The following CRPPA variants were observed in gnomAD, a reference collection of about 807,000 sequenced individuals.
CRPPA encodes CDP-L-ribitol pyrophosphorylase A.
Under a neutral mutation model 52.0 loss-of-function variants are expected in CRPPA, and 43 were observed. The observed-to-expected ratio is 0.83, with a 90% CI of 0.65 to 1.07. The LOEUF (loss-of-function observed/expected upper bound fraction) is 1.07. Ranked by LOEUF, CRPPA falls within the 50% of genes least tolerant of loss-of-function variation. CRPPA has a pLI of 0.00. For missense variants in CRPPA, 629 were observed against 551.7 expected (o/e 1.14, Z -1.40); for synonymous variants, 250 against 203.5 (o/e 1.23, Z -1.94).
At chr7:16,296,444 A>G (rs916080430) in intron 5 of CRPPA, among the ~76,000 whole-genome samples, 5 of 152,176 alleles carry the variant, frequency 3.3e-5, no homozygotes, top group African/African-American at 9.7e-5. Context: ...TGTTCTTGCA[A>G]AACATGAGAC....
intron 4 of CRPPA, among the ~76,000 whole-genome samples, chr7:16,304,560 G>A (rs975073981): frequency 6.6e-5 from 10 of 152,102 alleles, no homozygotes; most frequent in African/African-American, 1.9e-4. Context: ...AGAATCACTT[G>A]AACCCAGGAG....
chr7:16,289,693 G>C (rs1784520851), intron 5 of CRPPA, among the ~76,000 whole-genome samples: 1 of 151,982 alleles, frequency 6.6e-6, no homozygotes, highest in Admixed American at 6.6e-5. Flanking sequence ...CACAATAAAA[G>C]CTATATGTGA....
intron 5 of CRPPA, among the ~76,000 whole-genome samples, chr7:16,288,845 CAAA>C (rs71007760): frequency 2.9e-4 from 10 of 34,830 alleles, no homozygotes; most frequent in African/African-American, 1.0e-3. Context: ...GACTCTGCCT[CAAA>C]AAAAAAAAAA....
chr7:16,233,434 G>A (rs1782861208), intron 8 of CRPPA, among the ~76,000 whole-genome samples: 1 of 152,048 alleles, frequency 6.6e-6, no homozygotes, highest in African/African-American at 2.4e-5. Flanking sequence ...ATCTAACCCA[G>A]AACTGATAGG....
intron 9 of CRPPA, among the ~76,000 whole-genome samples, chr7:16,170,729 G>T (rs1169656731): frequency 6.6e-6 from 1 of 152,196 alleles, no homozygotes; most frequent in East Asian, 1.9e-4. Flanking sequence ...TGCCCTGCAG[G>T]GAGGCAGCTG....
intron 9 of CRPPA, among the ~76,000 whole-genome samples, chr7:16,141,446 T>C (rs1209805729): frequency 1.3e-5 from 2 of 152,192 alleles, no homozygotes; most frequent in African/African-American, 4.8e-5. Flanking sequence ...AGATAACAGC[T>C]GTTCAGAAAT....
chr7:16,303,972 G>GT (rs1282040021), intron 4 of CRPPA, among the ~76,000 whole-genome samples: 1 of 152,124 alleles, frequency 6.6e-6, no homozygotes, highest in Non-Finnish European at 1.5e-5. Context: ...AATTTCTTCA[G>GT]TAACTGGTTA....
chr7:16,386,282 T>C (rs1787269419), intron 2 of CRPPA, among the ~76,000 whole-genome samples: 1 of 152,214 alleles, frequency 6.6e-6, no homozygotes, highest in Non-Finnish European at 1.5e-5. Flanking sequence ...TTCTCTGCCG[T>C]GCTGTTCTGC....
rs563913611 is a variant in CRPPA at position 16,374,208 on chromosome 7, C to T, written c.684+1884G>A. Among the ~76,000 whole-genome samples, 6 of 152,206 alleles carry T rather than the reference C, an allele frequency of 3.9e-5. No individual in the cohort carries two copies. In the South Asian group the frequency reaches 6.2e-4, roughly 16 times the overall value. On this transcript the variant is annotated intron_variant, in intron 3 of 9. Transcript: ENST00000407010. ...CAATTGGTTGCCAGCACAGCTAGAA[C>T]GAAGCAGGCAGAAGAAGGTGGGATA... is the stretch of plus-strand genomic sequence containing the variant.
At chr7:16,392,058 T>G (rs998829231) in intron 2 of CRPPA, among the ~76,000 whole-genome samples, 14 of 152,174 alleles carry the variant, frequency 9.2e-5, no homozygotes, top group Non-Finnish European at 2.1e-4. Flanking sequence ...TCATGCCACT[T>G]AATAGCTGTG....
intron 3 of CRPPA, among the ~76,000 whole-genome samples, chr7:16,314,736 T>A (rs1354453341): frequency 6.6e-6 from 1 of 152,150 alleles, no homozygotes; most frequent in Non-Finnish European, 1.5e-5. Flanking sequence ...TTTTATTTTC[T>A]TCCTGCCTGC....
Position 16,242,218 on chromosome 7 carries a change from T to C in CRPPA, c.1119+16172A>G, listed in dbSNP as rs1783136142. 3.3e-5 allele frequency among the ~76,000 whole-genome samples: 5 copies of C among 152,054 alleles called. No homozygotes were observed. In the South Asian group the frequency reaches 1.0e-3, roughly 31 times the overall value. ...ATCTGCCCACCTCTGCCTCCCAAAG[T>C]GTTGGGATTACAGGCTTGAGACACC... On this transcript the variant is annotated intron_variant, in intron 8 of 9. Coordinates refer to ENST00000407010, the MANE Select transcript of CRPPA (RefSeq NM_001101426.4).
In CRPPA at chr7:16,203,580, C is replaced by T. The variant is rs7801833; in HGVS notation, c.1251+12486G>A. ...GCTTGATATTACTTAGAAAACCTCC[C>T]GAGAATAAAGAACCAAATTATTGGG... is the stretch of plus-strand genomic sequence containing the variant. On this transcript the variant is annotated intron_variant, in intron 9 of 9. Transcript: ENST00000407010. 6.6e-3 allele frequency among the ~76,000 whole-genome samples: 1,002 copies of T among 151,998 alleles called. 12 individuals are homozygous for T. Among genetic ancestry groups the T allele is most frequent in the African/African-American group, 0.023 (948 of 41,472 alleles).
intron 3 of CRPPA, among the ~76,000 whole-genome samples, chr7:16,328,986 C>G (rs1396207211): frequency 6.6e-6 from 1 of 152,084 alleles, no homozygotes; most frequent in Non-Finnish European, 1.5e-5. Context: ...GTACATAACA[C>G]CTGGACTTAA....
chr7:16,091,921 T>C, intron 9 of CRPPA, 122 bp from the exon 10 acceptor site: 1 of 528,994 alleles, frequency 1.9e-6, no homozygotes, highest in Non-Finnish European at 3.2e-6. Context: ...AAACTCAGAC[T>C]CTAGCCACTG....
intron 8 of CRPPA, among the ~76,000 whole-genome samples, chr7:16,252,771 C>T (rs1358033550): frequency 1.3e-5 from 2 of 152,100 alleles, no homozygotes; most frequent in East Asian, 3.9e-4. Flanking sequence ...TAATTATTGC[C>T]TCAATTTCAG....
intron 3 of CRPPA, among the ~76,000 whole-genome samples, chr7:16,319,101 A>G (rs987261712): frequency 2.0e-5 from 3 of 152,184 alleles, no homozygotes; most frequent in African/African-American, 7.2e-5. Context: ...ATCAGTGGCT[A>G]TGTAAACACA....
chr7:16,122,352 C>T (rs976355639), intron 9 of CRPPA, among the ~76,000 whole-genome samples: 1 of 151,850 alleles, frequency 6.6e-6, no homozygotes, highest in Non-Finnish European at 1.5e-5. Context: ...AAGAGTCCAT[C>T]TTGATTATAC....
intron 1 of CRPPA, among the ~76,000 whole-genome samples, chr7:16,420,011 G>A (rs1169726971): frequency 6.6e-6 from 1 of 152,150 alleles, no homozygotes; most frequent in Non-Finnish European, 1.5e-5. Context: ...GCAGGGGCAA[G>A]GTGAACCCGT....
Sources: allele counts gnomAD v4.1 joint callset (sites outside exome capture counted in the v4.1 genomes callset), GRCh38; gene constraint gnomAD v4.1.1; transcripts MANE v1.5; gene names NCBI Gene and HGNC (gene_info 2026-07-23, HGNC 2026-07-21).